Variants in PIEZO2 observed in about 807,000 individuals in gnomAD.
PIEZO2 encodes the protein piezo type mechanosensitive ion channel component 2, also known as piezo-type mechanosensitive ion channel component 2.
Under a neutral mutation model 337.3 loss-of-function variants are expected in PIEZO2, and 172 were observed. The ratio of observed to expected loss-of-function variants is 0.51; its 90% CI spans 0.45 to 0.58. The LOEUF is 0.58. Ranked by LOEUF, PIEZO2 falls within the 20% of genes least tolerant of loss-of-function variation. PIEZO2 has a pLI of 0.00. For synonymous variants in PIEZO2, 1,251 were observed against 1,228.5 expected (o/e 1.02, Z -0.38); for missense variants, 3,028 against 3,391.3 (o/e 0.89, Z 2.66).
rs769506700 is a variant in PIEZO2, at chr18:10,783,137, G to T, written c.2492+1647C>A. On this transcript the variant is annotated intron_variant, in intron 17 of 55. Transcript: ENST00000674853. The surrounding 1 kb of genome is among the most constrained non-coding windows in gnomAD (Gnocchi z 4.3). ...GCAAGAGAAGAAATGGCATTTGGAA[G>T]AAAAAAAAGATTTTTTTTTAAAAAA... is the stretch of plus-strand genomic sequence containing the variant. 1.3e-4 allele frequency among the ~76,000 whole-genome samples: 19 copies of T among 151,580 alleles called. No individual in the cohort carries two copies. The highest frequency in any genetic ancestry group is 2.1e-4 in the Non-Finnish European group (14 of 67,892).
intron 4 of PIEZO2, among the ~76,000 whole-genome samples, chr18:10,880,363 A>C (rs1011467683): frequency 6.6e-6 from 1 of 152,188 alleles, no homozygotes; most frequent in African/African-American, 2.4e-5. Flanking sequence ...TCAATTTCTC[A>C]CCTTACAAAG....
At chr18:10,866,527 T>C (rs1376603422) in intron 5 of PIEZO2, among the ~76,000 whole-genome samples, 1 of 152,180 alleles carries the variant, frequency 6.6e-6, no homozygotes, top group Non-Finnish European at 1.5e-5. Context: ...CCTCGTGATC[T>C]GCCCACCTTG....
chr18:10,928,630 C>T (rs1414655864), intron 3 of PIEZO2, among the ~76,000 whole-genome samples: 1 of 152,186 alleles, frequency 6.6e-6, no homozygotes, highest in African/African-American at 2.4e-5. Flanking sequence ...CCATTCAGAT[C>T]CCAGGCCTTC....
intron 4 of PIEZO2, among the ~76,000 whole-genome samples, chr18:10,901,566 G>A (rs2043049998): frequency 6.6e-6 from 1 of 152,128 alleles, no homozygotes; most frequent in Admixed American, 6.6e-5. Context: ...GTTCAAATCT[G>A]CTGTTTACTT....
chr18:11,100,860 G>C (rs985831585), intron 1 of PIEZO2, among the ~76,000 whole-genome samples: 2 of 152,176 alleles, frequency 1.3e-5, no homozygotes, highest in Admixed American at 6.5e-5. Context: ...CTCCCAAAGT[G>C]CTGGGATTAC....
intron 22 of PIEZO2, 102 bp from the exon 23 acceptor site, chr18:10,762,727 G>C: frequency 7.1e-7 from 1 of 1,399,212 alleles, no homozygotes; most frequent in Non-Finnish European, 9.6e-7. Context: ...GTGGTAGGAT[G>C]GGAGGGACAG....
intron 1 of PIEZO2, among the ~76,000 whole-genome samples, chr18:11,119,780 CTG>C (rs2146190624): frequency 6.6e-6 from 1 of 152,288 alleles, no homozygotes; most frequent in East Asian, 1.9e-4. Flanking sequence ...TGGGAGGCGA[CTG>C]TTGCAAAATA....
rs2041354851 is a variant in PIEZO2, at chr18:10,846,202, C to T, written c.917+9151G>A. ...GTTCCACATGGCTAGGGAGGCCTCA[C>T]AATCATGGCAGAAGGCAAGGAGGAG... On this transcript the variant is annotated intron_variant, in intron 7 of 55. Transcript: ENST00000674853. The surrounding 1 kb of genome is among the most constrained non-coding windows in gnomAD (Gnocchi z 4.1). Among the ~76,000 whole-genome samples, 1 of 152,150 alleles carries T rather than the reference C, an allele frequency of 6.6e-6. No individual in the cohort carries two copies. Among genetic ancestry groups the T allele is most frequent in the African/African-American group, 2.4e-5 (1 of 41,438 alleles).
intron 1 of PIEZO2, among the ~76,000 whole-genome samples, chr18:11,098,774 AATTT>A (rs755853962): frequency 4.0e-5 from 6 of 151,400 alleles, no homozygotes; most frequent in East Asian, 1.9e-4. Context: ...GTCCCTTTTA[AATTT>A]ATTTATTTAT....
Position 11,021,531 on chromosome 18 carries a change from C to T in PIEZO2, c.161-41871G>A, listed in dbSNP as rs1320177371. On this transcript the variant is annotated intron_variant, in intron 2 of 55. Transcript: ENST00000674853. This position sits in a 1 kb window ranked among gnomAD's most constrained non-coding sequence, Gnocchi z 4.7. ...TTCTGAGCAGACTCTCCTGCTTCAGCCGCCAATGGCGTTTAGTCTCCTTGT... is the reference window on the plus strand; with the variant it reads ...TTCTGAGCAGACTCTCCTGCTTCAGTCGCCAATGGCGTTTAGTCTCCTTGT... 6.6e-6 allele frequency among the ~76,000 whole-genome samples: 1 copy of T among 152,166 alleles called. No homozygotes were observed. Among genetic ancestry groups the T allele is most frequent in the Non-Finnish European group, 1.5e-5 (1 of 68,046 alleles).
chr18:10,980,376 G>A lies in PIEZO2; in HGVS notation c.161-716C>T, dbSNP rs556596274. Among the ~76,000 whole-genome samples, 2 of 152,008 alleles carry A rather than the reference G, an allele frequency of 1.3e-5. No individual in the cohort carries two copies. Among genetic ancestry groups the A allele is most frequent in the African/African-American group, 4.8e-5 (2 of 41,462 alleles). On this transcript the variant is annotated intron_variant, in intron 2 of 55. Coordinates refer to ENST00000674853, the MANE Select transcript of PIEZO2 (RefSeq NM_001378183.1). This position sits in a 1 kb window ranked among gnomAD's most constrained non-coding sequence, Gnocchi z 4.8. ...AAAACATAAAAAAAAAGGAATGGAA[G>A]GAAACATCCTTAAAGGATTTATAAT...
chr18:10,761,075 C>T lies in PIEZO2; in HGVS notation c.3286G>A (p.Val1096Ile). Residue 1096 changes from valine to isoleucine, a missense_variant, in exon 24 of 56, where the codon GTC becomes ATC. By Grantham distance (29) the Val-to-Ile change is conservative. This residue lies in a region of PIEZO2 where 1,925 missense variants were observed against 2,051.9 expected (regional missense o/e 0.94). Coordinates refer to ENST00000674853, the MANE Select transcript of PIEZO2 (RefSeq NM_001378183.1). ...LLMLAILAFE[V>I]TIYRHQEYYR... ...TATTCCTGATGGCGGTAAATGGTGA[C>T]TTCAAAGGCCAGGATAGCCAGCATC... is the stretch of plus-strand genomic sequence containing the variant. The T allele has an allele frequency of 2.6e-6, 4 of 1,537,238 alleles. No individual in the cohort carries two copies. The highest frequency in any genetic ancestry group is 3.5e-6 in the Non-Finnish European group (4 of 1,146,898).
At chr18:11,019,983 G>A (rs1247638311) in intron 2 of PIEZO2, among the ~76,000 whole-genome samples, 4 of 152,162 alleles carry the variant, frequency 2.6e-5, no homozygotes, top group Admixed American at 6.5e-5. Context: ...TGTGTAATGA[G>A]TGCATGAACT....
At chr18:10,806,203 C>CAG (rs2144320164) in intron 8 of PIEZO2, among the ~76,000 whole-genome samples, 1 of 152,272 alleles carries the variant, frequency 6.6e-6, no homozygotes, top group South Asian at 2.1e-4. Flanking sequence ...GACTGGAATG[C>CAG]AGAGACTCAG....
At chr18:10,898,285 G>T (rs555873825) in intron 4 of PIEZO2, among the ~76,000 whole-genome samples, 1 of 152,192 alleles carries the variant, frequency 6.6e-6, no homozygotes, top group Admixed American at 6.5e-5. Context: ...GCCGGGCGTG[G>T]TGGCAGGTGC....
chr18:11,062,447 G>T (rs184323849), intron 2 of PIEZO2, among the ~76,000 whole-genome samples: 1,654 of 152,260 alleles, frequency 0.011, 27 homozygotes, highest in African/African-American at 0.038. Context: ...CACAGCAAAA[G>T]AAACTACCAT....
intron 30 of PIEZO2, among the ~76,000 whole-genome samples, chr18:10,745,902 C>T (rs9953699): frequency 0.63 from 95,982 of 152,006 alleles, 32,385 homozygotes; most frequent in African/African-American, 0.88. Context: ...GTCAGTCTTC[C>T]CTCCCTGTTT....
chr18:10,990,999 G>C (rs140032687), intron 2 of PIEZO2, among the ~76,000 whole-genome samples: 178 of 151,904 alleles, frequency 1.2e-3, no homozygotes, highest in African/African-American at 4.1e-3. Context: ...ATCTGGTTTG[G>C]TATTAAGGTA....
chr18:10,806,778 C>A lies in PIEZO2; in HGVS notation c.1080+334G>T, dbSNP rs140545311. Among the ~76,000 whole-genome samples the A allele has an allele frequency of 1.6e-3, 239 of 152,252 alleles. 2 individuals are homozygous for A. The highest frequency in any genetic ancestry group is 5.7e-3 in the African/African-American group (235 of 41,544). On this transcript the variant is annotated intron_variant, in intron 8 of 55. Transcript: ENST00000674853. The stretch of plus-strand genomic sequence containing the variant: ...CCTCATCTGTAAATGGGTATAATAC[C>A]TATTCTATTGATCAGAGTTGTTTAG...
Sources: gnomAD v4.1 joint callset for allele counts (sites outside exome capture counted in the v4.1 genomes callset) on GRCh38, gnomAD v4.1.1 for gene constraint, gnomAD v4.1.1 regional missense constraint, Gnocchi (gnomAD v3.1) non-coding constraint, MANE v1.5 for transcripts, NCBI Gene and HGNC (gene_info 2026-07-23, HGNC 2026-07-21) for gene names.